The following HOOK1 variants were observed in gnomAD, a reference collection of about 807,000 sequenced individuals.
The protein encoded by HOOK1 is protein Hook homolog 1.
HOOK1 carries 60 observed loss-of-function variants against 112.8 expected under a neutral mutation model. The observed-to-expected ratio is 0.53, with a 90% CI of 0.43 to 0.66. The LOEUF is 0.66. Ranked by LOEUF, HOOK1 falls within the 30% of genes least tolerant of loss-of-function variation. HOOK1 has a pLI of 0.00. For missense variants in HOOK1, 770 were observed against 856.0 expected (o/e 0.90, Z 1.25); for synonymous variants, 294 against 283.8 (o/e 1.04, Z -0.36).
intron 2 of HOOK1, among the ~76,000 whole-genome samples, chr1:59,825,106 CTCTG>C (rs1022781118): frequency 5.9e-5 from 9 of 152,328 alleles, no homozygotes; most frequent in African/African-American, 2.2e-4. Flanking sequence ...GCCATCTTAC[CTCTG>C]TCTGTGTCTC....
rs762710312 is a variant in HOOK1 at position 59,862,821 on chromosome 1, A to T, written c.1570A>T (p.Ile524Phe). 1 of 1,612,462 alleles carries T rather than the reference A, an allele frequency of 6.2e-7. No homozygotes were observed. The highest frequency in any genetic ancestry group is 8.5e-7 in the Non-Finnish European group (1 of 1,178,618). Reference protein sequence around the residue: ...KERIRELQQQIEDLQKSLQEQ... With the variant: ...KERIRELQQQFEDLQKSLQEQ... ...GCGTATTAGAGAATTGCAGCAGCAG[A>T]TTGAGGACCTCCAGAAATCTTTACA... Residue 524 changes from isoleucine to phenylalanine, a missense_variant, in exon 16 of 22, where the codon ATT (isoleucine) becomes TTT (phenylalanine). Ile to Phe is a conservative substitution (Grantham distance 21, BLOSUM62 0). Around this residue, in one of 3 missense-constraint regions of HOOK1, gnomAD observed 655 missense variants for 725.9 expected, o/e 0.90. Transcript: ENST00000371208.
At chr1:59,838,407 T>G (rs1340120713) in intron 7 of HOOK1, among the ~76,000 whole-genome samples, 1 of 152,220 alleles carries the variant, frequency 6.6e-6, no homozygotes, top group African/African-American at 2.4e-5. Flanking sequence ...TGAGATAGTA[T>G]CTCATTGTGG....
At chr1:59,838,816 T>C (rs2098399419) in intron 7 of HOOK1, among the ~76,000 whole-genome samples, 1 of 152,338 alleles carries the variant, frequency 6.6e-6, no homozygotes, top group East Asian at 1.9e-4. Flanking sequence ...TCTTCTAGGA[T>C]TTTTATGGTC....
intron 2 of HOOK1, among the ~76,000 whole-genome samples, chr1:59,828,021 A>G (rs2098391210): frequency 1.3e-5 from 2 of 152,120 alleles, no homozygotes. Flanking sequence ...TTCTCCTTTA[A>G]TAACTACTTC....
intron 5 of HOOK1, among the ~76,000 whole-genome samples, chr1:59,835,017 A>G (rs886906359): frequency 6.6e-6 from 1 of 152,124 alleles, no homozygotes; most frequent in Non-Finnish European, 1.5e-5. Context: ...CTATTGAGCA[A>G]TTTTGTCCAG....
intron 1 of HOOK1, 44 bp from the exon 2 acceptor site, chr1:59,821,814 A>G (rs1385485944): frequency 2.3e-6 from 3 of 1,288,886 alleles, no homozygotes; most frequent in Admixed American, 2.5e-5. Context: ...GCTACCTTGT[A>G]GGTATAAAGA....
intron 19 of HOOK1, 119 bp downstream of exon 19, chr1:59,866,091 T>C: frequency 1.6e-6 from 1 of 630,614 alleles, no homozygotes; most frequent in South Asian, 1.8e-5. Flanking sequence ...CTTAACTGTA[T>C]TGCCTTACCT....
intron 2 of HOOK1, among the ~76,000 whole-genome samples, chr1:59,825,112 C>T (rs544194728): frequency 3.9e-5 from 6 of 152,322 alleles, no homozygotes; most frequent in Admixed American, 3.3e-4. Context: ...TTACCTCTGT[C>T]TGTGTCTCTT....
At chr1:59,837,027 C>T (rs1054214084) in intron 7 of HOOK1, 92 bp downstream of exon 7, 10 of 749,576 alleles carry the variant, frequency 1.3e-5, no homozygotes, top group Non-Finnish European at 2.2e-5. Flanking sequence ...AGAGCATATA[C>T]AATAATATTT....
At position 59,814,952 on chromosome 1, in the gene HOOK1, ACGC is replaced by A; in HGVS notation, c.-163_-161del. On this transcript the variant is annotated 5_prime_UTR_variant, in exon 1 of 22. Coordinates refer to ENST00000371208, the MANE Select transcript of HOOK1 (RefSeq NM_015888.6). Reference sequence around the variant, plus strand: ...GGCGGGGGCGGGTGAGGAGGGGGTGACGCCGGACGCGTCGACAGCGCGAGGGTT... The same window carrying A: ...GGCGGGGGCGGGTGAGGAGGGGGTGACGGACGCGTCGACAGCGCGAGGGTT... 1 of 639,636 alleles carries A rather than the reference ACGC, an allele frequency of 1.6e-6. No homozygotes were observed. Among genetic ancestry groups the A allele is most frequent in the South Asian group, 1.9e-5 (1 of 51,660 alleles). 39.6% of individuals were successfully genotyped at this position (639,636 alleles called of 1,614,324 possible).
rs973421763 is a variant in HOOK1, at chr1:59,872,865, G to T, written c.2087G>T (p.Gly696Val). The part of the protein sequence containing the change: ...VSGGGACSDT[G>V]ACTPARSFLA... ...GGCGGTGGTGCCTGCAGTGACACTG[G>T]TGCGTGCACTCCTGCGCGGTCTTTC... Residue 696 changes from glycine (G) to valine (V), a missense_variant, in exon 22 of 22, where the codon GGT becomes GTT. Physicochemically the swap from Gly to Val is moderately radical, Grantham distance 109. Around this residue, in one of 3 missense-constraint regions of HOOK1, gnomAD observed 111 missense variants for 111.8 expected, o/e 0.99. Transcript: ENST00000371208. The T allele has an allele frequency of 1.3e-6, 2 of 1,509,440 alleles. No individual in the cohort carries two copies. The highest frequency in any genetic ancestry group is 2.5e-5 in the East Asian group (1 of 39,730). 93.5% of individuals were successfully genotyped at this position (1,509,440 alleles called of 1,614,324 possible). A position where few individuals can be genotyped will look rare whatever the true frequency, so the allele number is the denominator to read the frequency against.
chr1:59,832,669 T>C (rs1374721741), intron 4 of HOOK1, among the ~76,000 whole-genome samples: 1 of 152,096 alleles, frequency 6.6e-6, no homozygotes, highest in Non-Finnish European at 1.5e-5. Context: ...ATTAGTCAAA[T>C]AGTTTTGTTT....
chr1:59,836,077 A>T (rs564519651), intron 6 of HOOK1, among the ~76,000 whole-genome samples: 1 of 152,212 alleles, frequency 6.6e-6, no homozygotes, highest in East Asian at 1.9e-4. Flanking sequence ...TTCCAGTTAT[A>T]ACAATCTTTC....
At chr1:59,843,320 G>A (rs374288563) in intron 8 of HOOK1, 112 bp from the exon 9 acceptor site, 21 of 634,194 alleles carry the variant, frequency 3.3e-5, no homozygotes, top group East Asian at 2.0e-4. Context: ...GACAGACCAA[G>A]CTATTTAATG....
chr1:59,869,803 G>T (rs1263602683), intron 20 of HOOK1, among the ~76,000 whole-genome samples: 2 of 152,158 alleles, frequency 1.3e-5, no homozygotes, highest in East Asian at 3.9e-4. Flanking sequence ...GAAATTCTAA[G>T]TCAAATATCT....
intron 1 of HOOK1, among the ~76,000 whole-genome samples, chr1:59,819,991 A>G (rs1189772495): frequency 6.6e-6 from 1 of 152,170 alleles, no homozygotes; most frequent in African/African-American, 2.4e-5. Context: ...GGAACCTTCT[A>G]ACTGGTCTGC....
Position 59,875,146 on chromosome 1 carries a change from T to C in HOOK1, c.*2181T>C, listed in dbSNP as rs1393207274. 1.3e-5 allele frequency: 2 copies of C among 152,594 alleles called. No homozygotes were observed. Among genetic ancestry groups the C allele is most frequent in the Admixed American group, 6.5e-5 (1 of 15,282 alleles). 9.5% of individuals were successfully genotyped at this position (152,594 alleles called of 1,614,324 possible). Reference sequence around the variant, plus strand: ...TTTCTACTTGCTTATGATTGAGATTTTACAAGCCCTTCAAACTCCGTTTTA... The same window carrying C: ...TTTCTACTTGCTTATGATTGAGATTCTACAAGCCCTTCAAACTCCGTTTTA... On this transcript the variant is annotated 3_prime_UTR_variant, in exon 22 of 22. Coordinates refer to ENST00000371208, the MANE Select transcript of HOOK1 (RefSeq NM_015888.6).
Position 59,848,466 on chromosome 1 carries a change from T to C in HOOK1, c.1081T>C (p.Leu361=). The C allele has an allele frequency of 6.2e-7, 1 of 1,610,482 alleles. No individual in the cohort carries two copies. Among genetic ancestry groups the C allele is most frequent in the South Asian group, 1.1e-5 (1 of 90,842 alleles). ...TAATACAGTCAGCTTAGAAGAAGAA[T>C]TAAAAAAAGCAAATGCAGCACGTAC... ...MHNTVSLEEE[L]KKANAARTQL... is the part of the protein sequence containing the mutation. The change falls in exon 11 of 22, where the codon TTA becomes CTA. Residue 361 remains leucine (L), a synonymous_variant. Coordinates refer to ENST00000371208, the MANE Select transcript of HOOK1 (RefSeq NM_015888.6).
intron 6 of HOOK1, among the ~76,000 whole-genome samples, chr1:59,836,470 A>T (rs2098397726): frequency 6.6e-6 from 1 of 152,172 alleles, no homozygotes; most frequent in Admixed American, 6.6e-5. Flanking sequence ...TTTTTCATAT[A>T]ATCGTAACTC....
Sources: gnomAD v4.1 joint callset for allele counts (sites outside exome capture counted in the v4.1 genomes callset) on GRCh38, gnomAD v4.1.1 for gene constraint, gnomAD v4.1.1 regional missense constraint, MANE v1.5 for transcripts, NCBI Gene and HGNC (gene_info 2026-07-23, HGNC 2026-07-21) for gene names.